PTPRN2: variants seen among roughly 807,000 people sequenced by gnomAD.
PTPRN2 encodes receptor-type tyrosine-protein phosphatase N2.
A neutral mutation model predicts 118.8 loss-of-function variants in PTPRN2; 74 were observed. The ratio of observed to expected loss-of-function variants is 0.62; its 90% CI spans 0.52 to 0.76. The LOEUF is 0.76. PTPRN2 is among the 30% of genes least tolerant of loss of function. The pLI, the probability that PTPRN2 is intolerant of heterozygous loss-of-function variation, is 0.00. For synonymous variants in PTPRN2, 641 were observed against 608.0 expected (o/e 1.05, Z -0.80); for missense variants, 1,481 against 1,394.4 (o/e 1.06, Z -0.99).
chr7:157,574,070 C>G (rs544141164), intron 19 of PTPRN2, among the ~76,000 whole-genome samples: 3 of 152,206 alleles, frequency 2.0e-5, no homozygotes, highest in Admixed American at 6.5e-5. Context: ...ATGTAGACCA[C>G]GAGTTATTCA....
intron 3 of PTPRN2, among the ~76,000 whole-genome samples, chr7:158,249,165 C>A (rs111204886): frequency 9.2e-5 from 14 of 151,852 alleles, no homozygotes; most frequent in Non-Finnish European, 1.8e-4. Flanking sequence ...TCACCACACA[C>A]GTGCACACAG....
Position 158,341,620 on chromosome 7 carries a change from C to T in PTPRN2, c.164-24688G>A, listed in dbSNP as rs1375925437. On this transcript the variant is annotated intron_variant, in intron 2 of 22. Transcript: ENST00000389418. ...CAGACATCACTCACACCCACACTCT[C>T]ACCATAAGAGGTAACACATGCAGAC... Among the ~76,000 whole-genome samples, 2 of 85,032 alleles carry T rather than the reference C, an allele frequency of 2.4e-5. 1 individual carries two copies. Among genetic ancestry groups the T allele is most frequent in the Non-Finnish European group, 4.7e-5 (2 of 42,504 alleles). 55.8% of individuals were successfully genotyped at this position (85,032 alleles called of 152,430 possible).
chr7:158,000,594 G>A (rs913785333), intron 11 of PTPRN2, among the ~76,000 whole-genome samples: 2 of 125,192 alleles, frequency 1.6e-5, no homozygotes, highest in African/African-American at 5.9e-5. Flanking sequence ...CTGGTGTCCG[G>A]CCGCAGGTGG....
chr7:158,391,635 G>A (rs1361753458), intron 2 of PTPRN2, among the ~76,000 whole-genome samples: 5 of 152,164 alleles, frequency 3.3e-5, no homozygotes, highest in Admixed American at 1.3e-4. Flanking sequence ...TGCCCCTTGA[G>A]ATGCAGGCCC....
At position 157,603,048 on chromosome 7, in the gene PTPRN2, G is replaced by A. The variant is rs1047041812; in HGVS notation, c.2418+954C>T. On this transcript the variant is annotated intron_variant, in intron 16 of 22. Coordinates refer to ENST00000389418, the MANE Select transcript of PTPRN2 (RefSeq NM_002847.5). The surrounding 1 kb of genome is among the most constrained non-coding windows in gnomAD (Gnocchi z 5.4). ...GGGGGAAACATGACAACCAGTGTCC[G>A]CCATAAATCTGCATGGAGCCCCAGC... 2.0e-5 allele frequency among the ~76,000 whole-genome samples: 3 copies of A among 152,164 alleles called. No homozygotes were observed. Among genetic ancestry groups the A allele is most frequent in the African/African-American group, 4.8e-5 (2 of 41,444 alleles).
intron 3 of PTPRN2, among the ~76,000 whole-genome samples, chr7:158,276,749 G>A (rs961718561): frequency 5.9e-5 from 9 of 152,212 alleles, no homozygotes; most frequent in African/African-American, 2.2e-4. Context: ...CAGCTGCTGC[G>A]GGGCCCTGAT....
At chr7:158,337,357 C>T (rs1299556038) in intron 2 of PTPRN2, among the ~76,000 whole-genome samples, 3 of 86,236 alleles carry the variant, frequency 3.5e-5, no homozygotes, top group South Asian at 4.2e-4. Flanking sequence ...CACCTGCAGA[C>T]GTCCCTCACA....
At chr7:158,144,450 CA>C (rs1395291743) in intron 6 of PTPRN2, among the ~76,000 whole-genome samples, 3 of 152,158 alleles carry the variant, frequency 2.0e-5, no homozygotes, top group Non-Finnish European at 1.5e-5. Flanking sequence ...CCAGCCTGAG[CA>C]ATATAGTGAA....
At chr7:157,946,941 G>C (rs766413742) in intron 11 of PTPRN2, among the ~76,000 whole-genome samples, 1 of 152,196 alleles carries the variant, frequency 6.6e-6, no homozygotes, top group Non-Finnish European at 1.5e-5. Context: ...CAAAGAATCA[G>C]GGGTCTCTAT....
At chr7:157,767,803 C>T (rs1004703353) in intron 12 of PTPRN2, among the ~76,000 whole-genome samples, 13 of 152,246 alleles carry the variant, frequency 8.5e-5, no homozygotes, top group Admixed American at 7.8e-4. Flanking sequence ...TGGAGCAGAG[C>T]CAGGCCCCAG....
intron 2 of PTPRN2, among the ~76,000 whole-genome samples, chr7:158,389,049 C>T (rs971362459): frequency 6.6e-6 from 1 of 152,208 alleles, no homozygotes; most frequent in East Asian, 1.9e-4. Context: ...TGAGGCGGGC[C>T]CCTGGAAGGA....
chr7:157,960,153 AACGGTGGGT>A (rs951344771), intron 11 of PTPRN2, among the ~76,000 whole-genome samples: 4 of 134,448 alleles, frequency 3.0e-5, no homozygotes, highest in African/African-American at 1.1e-4. Context: ...CAGAAAGTGG[AACGGTGGGT>A]ACCAGGGGCC....
At chr7:158,513,422 A>G (rs773151349) in intron 1 of PTPRN2, among the ~76,000 whole-genome samples, 3 of 152,240 alleles carry the variant, frequency 2.0e-5, no homozygotes, top group Non-Finnish European at 2.9e-5. Flanking sequence ...AAACTTCATT[A>G]GGTGAAAACT....
At chr7:158,063,843 G>T (rs1305086265) in intron 11 of PTPRN2, among the ~76,000 whole-genome samples, 3 of 152,184 alleles carry the variant, frequency 2.0e-5, no homozygotes, top group Non-Finnish European at 4.4e-5. Context: ...AGGGAATGGG[G>T]TGCCCTACAG....
intron 1 of PTPRN2, among the ~76,000 whole-genome samples, chr7:158,502,057 C>T (rs933613101): frequency 6.6e-6 from 1 of 152,328 alleles, no homozygotes; most frequent in East Asian, 1.9e-4. Context: ...CGTTCCGACT[C>T]TCTGCTCCTC....
intron 6 of PTPRN2, among the ~76,000 whole-genome samples, chr7:158,157,454 T>C (rs1327348375): frequency 6.6e-6 from 1 of 152,156 alleles, no homozygotes; most frequent in African/African-American, 2.4e-5. Flanking sequence ...GGGGAAGAGA[T>C]TTCTCACATG....
At chr7:157,883,112 C>G (rs934784178) in intron 12 of PTPRN2, among the ~76,000 whole-genome samples, 8 of 144,552 alleles carry the variant, frequency 5.5e-5, no homozygotes, top group African/African-American at 1.8e-4. Flanking sequence ...AAATGACTGT[C>G]AGGACACCAC....
chr7:157,872,918 C>G (rs985183803), intron 12 of PTPRN2, among the ~76,000 whole-genome samples: 1 of 152,240 alleles, frequency 6.6e-6, no homozygotes, highest in South Asian at 2.1e-4. Flanking sequence ...GCCACCTCCC[C>G]TTGCTGGGAG....
At chr7:157,555,922 G>C (rs1224060775) in intron 21 of PTPRN2, among the ~76,000 whole-genome samples, 3 of 152,212 alleles carry the variant, frequency 2.0e-5, no homozygotes, top group African/African-American at 7.2e-5. Flanking sequence ...CACTCACCCA[G>C]GCTGCGATGT....
Sources: allele counts gnomAD v4.1 joint callset (sites outside exome capture counted in the v4.1 genomes callset), GRCh38; gene constraint gnomAD v4.1.1; non-coding constraint Gnocchi (gnomAD v3.1); transcripts MANE v1.5; gene names NCBI Gene and HGNC (gene_info 2026-07-23, HGNC 2026-07-21).